The following CUL3 variants were observed in gnomAD, a reference collection of about 807,000 sequenced individuals.
CUL3 encodes the protein cullin-3.
Under a neutral mutation model 89.1 loss-of-function variants are expected in CUL3, and 19 were observed. The ratio of observed to expected loss-of-function variants is 0.21; its 90% CI spans 0.15 to 0.31. The LOEUF is 0.31. CUL3 is among the 10% of genes least tolerant of loss of function. The pLI, the probability that CUL3 is intolerant of heterozygous loss-of-function variation, is 1.00. For synonymous variants in CUL3, 351 were observed against 308.4 expected, an observed-to-expected ratio of 1.14 and a Z score of -1.45; for missense variants, 469 against 942.3, an observed-to-expected ratio of 0.50 and a Z score of 6.58.
At chr2:224,482,129 A>G in intron 13 of CUL3, 51 bp from the exon 14 acceptor site, 1 of 1,453,206 alleles carries the variant, frequency 6.9e-7, no homozygotes, top group Non-Finnish European at 9.3e-7. Flanking sequence ...GATTAAAGTT[A>G]GTTAATTAGC....
chr2:224,514,519 C>T (rs767369834), intron 4 of CUL3, 93 bp downstream of exon 4: 23 of 1,128,278 alleles, frequency 2.0e-5, no homozygotes, highest in Admixed American at 1.2e-4. Context: ...AACATTCAAA[C>T]TTTTATTTAT....
At chr2:224,476,008 T>G (rs948126754) in intron 15 of CUL3, among the ~76,000 whole-genome samples, 1 of 150,800 alleles carries the variant, frequency 6.6e-6, no homozygotes, top group Non-Finnish European at 1.5e-5. Flanking sequence ...CACAGTCACA[T>G]GTATTTATTT....
chr2:224,557,900 A>AAAAAC (rs2106305713), intron 1 of CUL3, 44 bp from the exon 2 acceptor site: 1 of 1,131,826 alleles, frequency 8.8e-7, no homozygotes. Context: ...AAAAAAAAAA[A>AAAAAC]AAAAACCAAT....
intron 1 of CUL3, among the ~76,000 whole-genome samples, chr2:224,576,001 GA>G (rs1348017891): frequency 6.6e-6 from 1 of 152,148 alleles, no homozygotes; most frequent in Non-Finnish European, 1.5e-5. Flanking sequence ...TATCTGTGAG[GA>G]ATGTATTAAC....
chr2:224,509,354 G>A (rs1692726620), intron 6 of CUL3, among the ~76,000 whole-genome samples: 1 of 152,102 alleles, frequency 6.6e-6, no homozygotes, highest in Non-Finnish European at 1.5e-5. Context: ...AAGTGGCTGG[G>A]ACTAGGCATG....
At chr2:224,554,228 A>G (rs987274249) in intron 2 of CUL3, among the ~76,000 whole-genome samples, 6 of 152,190 alleles carry the variant, frequency 3.9e-5, no homozygotes, top group South Asian at 2.1e-4. Context: ...GCACTTGCCA[A>G]TTCCTTAGTA....
Position 224,499,689 on chromosome 2 carries a change from T to C in CUL3, c.1610+674A>G, listed in dbSNP as rs574277410. On this transcript the variant is annotated intron_variant, in intron 11 of 15. Transcript: ENST00000264414. ...CACCCTGCAGGGGTGTCCAGCTATC[T>C]ACGGTCACTGCAAAAACTTCTGCCC... 2.8e-5 allele frequency: 6 copies of C among 214,238 alleles called. No homozygotes were observed. In the South Asian group the frequency reaches 5.2e-4, roughly 19 times the overall value. 13.3% of individuals were successfully genotyped at this position (214,238 alleles called of 1,614,324 possible).
chr2:224,474,968 G>C (rs1691260887), intron 15 of CUL3, among the ~76,000 whole-genome samples: 1 of 152,142 alleles, frequency 6.6e-6, no homozygotes. Flanking sequence ...AGCAGTCATA[G>C]TCTGTCTATG....
In CUL3 at chr2:224,485,685, C is replaced by T. The variant is rs1483430956; in HGVS notation, c.1843-3607G>A. Among the ~76,000 whole-genome samples, 5 of 152,232 alleles carry T rather than the reference C, an allele frequency of 3.3e-5. No individual in the cohort carries two copies. The highest frequency in any genetic ancestry group is 5.9e-5 in the Non-Finnish European group (4 of 68,046). ...AAGAAGGCAGCTATGGGCCCAGCTTCAGCAGAATTAAATGTTCTTGCCTGC... is the reference window on the plus strand; with the variant it reads ...AAGAAGGCAGCTATGGGCCCAGCTTTAGCAGAATTAAATGTTCTTGCCTGC... On this transcript the variant is annotated intron_variant, in intron 13 of 15. Coordinates refer to ENST00000264414, the MANE Select transcript of CUL3 (RefSeq NM_003590.5). The surrounding 1 kb of genome is among the most constrained non-coding windows in gnomAD (Gnocchi z 4.1).
At chr2:224,498,399 C>A (rs901170397) in intron 11 of CUL3, among the ~76,000 whole-genome samples, 4 of 152,042 alleles carry the variant, frequency 2.6e-5, no homozygotes, top group Admixed American at 2.6e-4. Flanking sequence ...CTATCCACAC[C>A]ATATTTTTTC....
At position 224,472,069 on chromosome 2, in the gene CUL3, A is replaced by G. The variant is rs1691150593; in HGVS notation, c.*2176T>C. 3 of 230,356 alleles carry G rather than the reference A, an allele frequency of 1.3e-5. No homozygotes were observed. Among genetic ancestry groups the G allele is most frequent in the South Asian group, 3.6e-4 (2 of 5,508 alleles). 14.3% of individuals were successfully genotyped at this position (230,356 alleles called of 1,614,324 possible). ...TACTTATGCAGTCAAACATATAAAC[A>G]TTTTGTGTGACCAGTTTTTTCAGTG... On this transcript the variant is annotated 3_prime_UTR_variant, in exon 16 of 16. Transcript: ENST00000264414.
intron 6 of CUL3, among the ~76,000 whole-genome samples, chr2:224,510,834 T>C (rs1350294221): frequency 1.3e-5 from 2 of 152,246 alleles, no homozygotes; most frequent in Admixed American, 6.5e-5. Flanking sequence ...TTTTCCATTC[T>C]GTAACTTCAG....
At chr2:224,529,179 G>A (rs1693594414) in intron 3 of CUL3, among the ~76,000 whole-genome samples, 1 of 152,086 alleles carries the variant, frequency 6.6e-6, no homozygotes, top group South Asian at 2.1e-4. Context: ...AATTCAGGCT[G>A]TAATATAACG....
chr2:224,514,814 G>A (rs1381882851), intron 3 of CUL3, 42 bp from the exon 4 acceptor site: 5 of 1,375,790 alleles, frequency 3.6e-6, no homozygotes, highest in South Asian at 1.3e-5. Context: ...GTTCTTGTGA[G>A]CATAATAATT....
intron 2 of CUL3, among the ~76,000 whole-genome samples, chr2:224,544,892 T>G (rs1044315215): frequency 6.6e-6 from 1 of 151,962 alleles, no homozygotes; most frequent in African/African-American, 2.4e-5. Flanking sequence ...AACACTGCAA[T>G]GTTCTGCTAT....
intron 1 of CUL3, among the ~76,000 whole-genome samples, chr2:224,561,368 C>A (rs1397851083): frequency 1.3e-5 from 2 of 152,188 alleles, no homozygotes; most frequent in Non-Finnish European, 2.9e-5. Flanking sequence ...CTGATCTGAA[C>A]TGGATAAAAA....
chr2:224,500,729 G>T (rs1210843826), intron 10 of CUL3, among the ~76,000 whole-genome samples: 2 of 149,286 alleles, frequency 1.3e-5, no homozygotes, highest in Non-Finnish European at 3.0e-5. Context: ...AGGTTCAAAC[G>T]ATTCTCCTGC....
At chr2:224,500,271 T>C in intron 11 of CUL3, 92 bp downstream of exon 11, 1 of 1,420,610 alleles carries the variant, frequency 7.0e-7, no homozygotes, top group Non-Finnish European at 9.8e-7. Flanking sequence ...TGGAATACAT[T>C]CATCCTCAAT....
At chr2:224,563,478 A>G (rs1054349215) in intron 1 of CUL3, among the ~76,000 whole-genome samples, 3 of 152,196 alleles carry the variant, frequency 2.0e-5, no homozygotes, top group African/African-American at 7.2e-5. Context: ...GTAGGTCCCT[A>G]ATTTCTATCA....
Sources: allele counts gnomAD v4.1 joint callset (sites outside exome capture counted in the v4.1 genomes callset), GRCh38; gene constraint gnomAD v4.1.1; non-coding constraint Gnocchi (gnomAD v3.1); transcripts MANE v1.5; gene names NCBI Gene and HGNC (gene_info 2026-07-23, HGNC 2026-07-21).